Variants in DYNC1H1 observed in about 807,000 individuals in gnomAD.
DYNC1H1 encodes dynein cytoplasmic 1 heavy chain 1, also known as cytoplasmic dynein 1 heavy chain 1.
A neutral mutation model predicts 527.1 loss-of-function variants in DYNC1H1; 51 were observed. The observed-to-expected ratio is 0.10, with a 90% CI of 0.08 to 0.12. DYNC1H1 has a LOEUF of 0.12. Ranked by LOEUF, DYNC1H1 falls within the 10% of genes least tolerant of loss-of-function variation. DYNC1H1 has a pLI of 1.00. For missense variants in DYNC1H1, 2,771 were observed against 5,971.8 expected (o/e 0.46, Z 17.66); for synonymous variants, 2,189 against 2,278.8 (o/e 0.96, Z 1.12).
chr14:101,967,658 A>G (rs775825236), intron 1 of DYNC1H1, among the ~76,000 whole-genome samples: 3 of 152,092 alleles, frequency 2.0e-5, no homozygotes, highest in Non-Finnish European at 2.9e-5. Context: ...TGGGCAACAT[A>G]GCAAGACCCT....
In DYNC1H1 at chr14:102,052,957, A is replaced by G. The variant is rs951879314; in HGVS notation, c.*2394A>G. ...AACAGTCGTTGCAGCTCCAGTTGGA[A>G]TGACTGGGGGTGTCTTCCGAATCGC... On this transcript the variant is annotated 3_prime_UTR_variant, in exon 78 of 78. Coordinates refer to ENST00000360184, the MANE Select transcript of DYNC1H1 (RefSeq NM_001376.5). 3 of 152,134 alleles carry G rather than the reference A, an allele frequency of 2.0e-5. No homozygotes were observed. Among genetic ancestry groups the G allele is most frequent in the Admixed American group, 6.6e-5 (1 of 15,260 alleles). The allele number at this position is 152,134 out of a possible 1,614,324, so 9.4% of individuals were successfully genotyped here.
At chr14:102,013,383 G>A (rs556003049) in intron 34 of DYNC1H1, among the ~76,000 whole-genome samples, 3 of 152,124 alleles carry the variant, frequency 2.0e-5, no homozygotes, top group Non-Finnish European at 1.5e-5. Context: ...GTTGGTGGGG[G>A]TTGGAGGTTA....
rs2048186084 is a variant in DYNC1H1 at position 102,005,430 on chromosome 14, G to T, written c.5433+194G>T. On this transcript the variant is annotated intron_variant, in intron 26 of 77. Transcript: ENST00000360184. This position sits in a 1 kb window ranked among gnomAD's most constrained non-coding sequence, Gnocchi z 4.0. ...AAGGTAATCTCAGGGGCATGCAGGG[G>T]TTACGCGACATCACGGTAGAGAGGA... 6.6e-6 allele frequency among the ~76,000 whole-genome samples: 1 copy of T among 152,238 alleles called. No homozygotes were observed. Among genetic ancestry groups the T allele is most frequent in the Non-Finnish European group, 1.5e-5 (1 of 68,048 alleles).
intron 16 of DYNC1H1, among the ~76,000 whole-genome samples, chr14:101,998,030 G>A (rs1384736241): frequency 6.6e-6 from 1 of 152,208 alleles, no homozygotes; most frequent in East Asian, 1.9e-4. Context: ...AGATAACAGT[G>A]TGTGTGGTTA....
Position 101,965,896 on chromosome 14 carries a change from A to G in DYNC1H1, c.256+949A>G, listed in dbSNP as rs747782604. 6.6e-6 allele frequency among the ~76,000 whole-genome samples: 1 copy of G among 152,008 alleles called. No homozygotes were observed. Among genetic ancestry groups the G allele is most frequent in the African/African-American group, 2.4e-5 (1 of 41,386 alleles). On this transcript the variant is annotated intron_variant, in intron 1 of 77. Coordinates refer to ENST00000360184, the MANE Select transcript of DYNC1H1 (RefSeq NM_001376.5). This position sits in a 1 kb window ranked among gnomAD's most constrained non-coding sequence, Gnocchi z 4.1. ...TTAGCGTGTTCCAGCTGTCTCCTCA[A>G]ATAATGATCGCCCACCAGCAAGGTT...
Position 102,033,693 on chromosome 14 carries a change from C to T in DYNC1H1, c.10413+209C>T. On this transcript the variant is annotated intron_variant, in intron 54 of 77. Transcript: ENST00000360184. This position sits in a 1 kb window ranked among gnomAD's most constrained non-coding sequence, Gnocchi z 5.6. Reference sequence around the variant, plus strand: ...AGGATAGATTGATACAAACTGGACACTTTTCAGCCGTTGAATCCCCCACCA... The same window carrying T: ...AGGATAGATTGATACAAACTGGACATTTTTCAGCCGTTGAATCCCCCACCA... 6.8e-6 allele frequency: 5 copies of T among 732,830 alleles called. No homozygotes were observed. The highest frequency in any genetic ancestry group is 1.1e-5 in the Non-Finnish European group (5 of 440,894). 45.4% of individuals were successfully genotyped at this position (732,830 alleles called of 1,614,324 possible).
At position 102,033,855 on chromosome 14, in the gene DYNC1H1, C is replaced by G. The variant is rs1051103309; in HGVS notation, c.10414-121C>G. 9 of 1,060,568 alleles carry G rather than the reference C, an allele frequency of 8.5e-6. No individual in the cohort carries two copies. Among genetic ancestry groups the G allele is most frequent in the Non-Finnish European group, 1.3e-5 (9 of 709,750 alleles). The allele number at this position is 1,060,568 out of a possible 1,614,324, so 65.7% of individuals were successfully genotyped here. A position where few individuals can be genotyped will look rare whatever the true frequency, so the allele number is the denominator to read the frequency against. On this transcript the variant is annotated intron_variant, in intron 54 of 77. Transcript: ENST00000360184. The surrounding 1 kb of genome is among the most constrained non-coding windows in gnomAD (Gnocchi z 5.6). ...TCATCTCCTCTGGGACTGTGAACAACTTGGGCACGTTTCTAACCCACCCAA... is the reference window on the plus strand; with the variant it reads ...TCATCTCCTCTGGGACTGTGAACAAGTTGGGCACGTTTCTAACCCACCCAA...
In DYNC1H1 at chr14:101,998,880, T is replaced by TTTTTTTTTTGTTTTTTTTTTTTG. The variant is rs1260375846; in HGVS notation, c.3805-1100_3805-1099insGTTTTTTTTTTTTGTTTTTTTTT. On this transcript the variant is annotated intron_variant, in intron 16 of 77. Transcript: ENST00000360184. ...AATGTGTTAGAGTTAAAACTTTTTC[T>TTTTTTTTTTGTTTTTTTTTTTTG]TTTTTTTTTTTTTTTTTTTGAGACG... 9.3e-3 allele frequency among the ~76,000 whole-genome samples: 780 copies of TTTTTTTTTTGTTTTTTTTTTTTG among 84,048 alleles called. 18 individuals are homozygous for TTTTTTTTTTGTTTTTTTTTTTTG. The highest frequency in any genetic ancestry group is 0.072 in the African/African-American group (746 of 10,334). The allele number at this position is 84,048 out of a possible 152,430, so 55.1% of individuals were successfully genotyped here. A position where few individuals can be genotyped will look rare whatever the true frequency, so the allele number is the denominator to read the frequency against.
Position 102,015,434 on chromosome 14 carries a change from A to G in DYNC1H1, c.7242+102A>G, listed in dbSNP as rs2048309064. On this transcript the variant is annotated intron_variant, in intron 35 of 77. Transcript: ENST00000360184. This position sits in a 1 kb window ranked among gnomAD's most constrained non-coding sequence, Gnocchi z 6.9. ...ACGCTGGTCTTGAACTCCTGGGCCC[A>G]AGCAATCCACCTGCCTTGGCCTCTC... is the stretch of plus-strand genomic sequence containing the variant. The G allele has an allele frequency of 1.5e-6, 2 of 1,352,178 alleles. No homozygotes were observed. Among genetic ancestry groups the G allele is most frequent in the African/African-American group, 2.9e-5 (2 of 69,130 alleles). The allele number at this position is 1,352,178 out of a possible 1,614,324, so 83.8% of individuals were successfully genotyped here. A position where few individuals can be genotyped will look rare whatever the true frequency, so the allele number is the denominator to read the frequency against.
In DYNC1H1 at chr14:101,991,581, A is replaced by G. The variant is rs939424759; in HGVS notation, c.2923A>G (p.Ile975Val). 30 of 1,614,212 alleles carry G rather than the reference A, an allele frequency of 1.9e-5. No homozygotes were observed. The highest frequency in any genetic ancestry group is 2.1e-5 in the Non-Finnish European group (25 of 1,180,034). Reference protein sequence around the residue: ...TNQVIYLNPPIEECRYKLYQE... With the variant: ...TNQVIYLNPPVEECRYKLYQE... ...TCAGGTAATCTACTTGAATCCACCA[A>G]TTGAAGAGTGCAGATACAAGCTGTA... Residue 975 changes from isoleucine to valine, a missense_variant, in exon 11 of 78, where the codon ATT (isoleucine) becomes GTT (valine). Physicochemically the swap from Ile to Val is conservative, Grantham distance 29 (BLOSUM62 3). Coordinates refer to ENST00000360184, the MANE Select transcript of DYNC1H1 (RefSeq NM_001376.5).
At position 101,983,085 on chromosome 14, in the gene DYNC1H1, A is replaced by G. The variant is rs757196911; in HGVS notation, c.1028A>G (p.Asp343Gly). Reference sequence around the variant, plus strand: ...CTGATGAAAGATTTCCCTCTGAATGATTTGCTGTCTGCCACGGAGCTGGAC... The same window carrying G: ...CTGATGAAAGATTTCCCTCTGAATGGTTTGCTGTCTGCCACGGAGCTGGAC... Reference protein sequence around the residue: ...NPLMKDFPLNDLLSATELDKI... With the variant: ...NPLMKDFPLNGLLSATELDKI... Residue 343 changes from aspartate to glycine, a missense_variant, in exon 6 of 78, where the codon GAT becomes GGT. Transcript: ENST00000360184. The surrounding 1 kb of genome is among the most constrained non-coding windows in gnomAD (Gnocchi z 5.3). 2 of 1,614,216 alleles carry G rather than the reference A, an allele frequency of 1.2e-6. No homozygotes were observed. The highest frequency in any genetic ancestry group is 2.2e-5 in the South Asian group (2 of 91,088).
At position 101,988,846 on chromosome 14, in the gene DYNC1H1, G is replaced by A. The variant is rs781685591; in HGVS notation, c.2862G>A (p.Lys954=). The part of the protein sequence containing the change: ...QVSHKPGGEP[K]IKNVVHELRI... ...GTCACAAGCCTGGTGGAGAGCCAAAGATCAAAGTGAGTGCTTCTGTGGCAT... is the reference window on the plus strand; with the variant it reads ...GTCACAAGCCTGGTGGAGAGCCAAAAATCAAAGTGAGTGCTTCTGTGGCAT... Residue 954 remains lysine (K), a synonymous_variant, in exon 10 of 78, where the codon AAG becomes AAA. Coordinates refer to ENST00000360184, the MANE Select transcript of DYNC1H1 (RefSeq NM_001376.5). 3.1e-6 allele frequency: 5 copies of A among 1,614,080 alleles called. No individual in the cohort carries two copies. The East Asian group carries it at 8.9e-5, about 29-fold the overall frequency.
intron 16 of DYNC1H1, among the ~76,000 whole-genome samples, chr14:101,998,873 CTTTTTCTT>C (rs2048095290): frequency 7.7e-6 from 1 of 129,576 alleles, no homozygotes; most frequent in African/African-American, 3.6e-5. Context: ...AGAGTTAAAA[CTTTTTCTT>C]TTTTTTTTTT....
chr14:101,967,158 C>T (rs1021705080), intron 1 of DYNC1H1, among the ~76,000 whole-genome samples: 1 of 152,098 alleles, frequency 6.6e-6, no homozygotes, highest in Non-Finnish European at 1.5e-5. Flanking sequence ...AGCCTGGCTA[C>T]ACTAGGACAC....
At position 102,016,160 on chromosome 14, in the gene DYNC1H1, G is replaced by C. The variant is rs1045661759; in HGVS notation, c.7473+74G>C. 1.0e-5 allele frequency: 16 copies of C among 1,536,016 alleles called. No individual in the cohort carries two copies. The highest frequency in any genetic ancestry group is 1.7e-4 in the Middle Eastern group (1 of 5,972). The stretch of plus-strand genomic sequence containing the variant: ...CAGGTCTGAGGACCTCTGAAATGCT[G>C]CACCTGTGGGGATGTGCGCTCTCTC... On this transcript the variant is annotated intron_variant, in intron 36 of 77. Coordinates refer to ENST00000360184, the MANE Select transcript of DYNC1H1 (RefSeq NM_001376.5). The surrounding 1 kb of genome is among the most constrained non-coding windows in gnomAD (Gnocchi z 7.3).
rs1043033662 is a variant in DYNC1H1, at chr14:102,051,401, C to G, written c.*838C>G. 6 of 152,188 alleles carry G rather than the reference C, an allele frequency of 3.9e-5. No individual in the cohort carries two copies. In the East Asian group the frequency reaches 7.7e-4, roughly 20 times the overall value. The allele number at this position is 152,188 out of a possible 1,614,324, so 9.4% of individuals were successfully genotyped here. A position where few individuals can be genotyped will look rare whatever the true frequency, so the allele number is the denominator to read the frequency against. ...TCGGGAGGCTGAGGCAGGAGAATTG[C>G]TTGAACCTGGGAGGCGGAGGTTGCA... On this transcript the variant is annotated 3_prime_UTR_variant, in exon 78 of 78. Transcript: ENST00000360184.
rs1461858799 is a variant in DYNC1H1, at chr14:102,017,980, C to T, written c.8178-471C>T. The T allele has an allele frequency of 1.1e-5, 3 of 272,926 alleles. No individual in the cohort carries two copies. In the East Asian group the frequency reaches 2.9e-4, roughly 27 times the overall value. The allele number at this position is 272,926 out of a possible 1,614,324, so 16.9% of individuals were successfully genotyped here. A position where few individuals can be genotyped will look rare whatever the true frequency, so the allele number is the denominator to read the frequency against. On this transcript the variant is annotated intron_variant, in intron 40 of 77. Transcript: ENST00000360184. This position sits in a 1 kb window ranked among gnomAD's most constrained non-coding sequence, Gnocchi z 4.6. ...AATTAGCCAGGCATGGTGGCAGGTG[C>T]CTGTAGTCCCAGCTACTTGGGAGGC...
chr14:101,974,794 A>C (rs996444864), intron 1 of DYNC1H1, among the ~76,000 whole-genome samples: 2 of 152,164 alleles, frequency 1.3e-5, no homozygotes, highest in Non-Finnish European at 2.9e-5. Context: ...CAGCCTCCCA[A>C]AGTGCTGGGA....
chr14:102,029,229 T>G lies in DYNC1H1; in HGVS notation c.9469-310T>G, dbSNP rs2048483311. On this transcript the variant is annotated intron_variant, in intron 48 of 77. Transcript: ENST00000360184. The surrounding 1 kb of genome is among the most constrained non-coding windows in gnomAD (Gnocchi z 5.3). ...CTTGTCATTTCTTACTAATAAAAGG[T>G]GGAAGCAGGCTAGCTAACCTTTCTA... is the stretch of plus-strand genomic sequence containing the variant. 1 of 400,164 alleles carries G rather than the reference T, an allele frequency of 2.5e-6. No homozygotes were observed. The highest frequency in any genetic ancestry group is 2.3e-5 in the South Asian group (1 of 43,110). The allele number at this position is 400,164 out of a possible 1,614,324, so 24.8% of individuals were successfully genotyped here.
Sources: gnomAD v4.1 joint callset for allele counts (sites outside exome capture counted in the v4.1 genomes callset) on GRCh38, gnomAD v4.1.1 for gene constraint, Gnocchi (gnomAD v3.1) non-coding constraint, MANE v1.5 for transcripts, NCBI Gene and HGNC (gene_info 2026-07-23, HGNC 2026-07-21) for gene names.